SMYD3: variants seen among roughly 807,000 people sequenced by gnomAD.
SMYD3 encodes histone-lysine N-methyltransferase SMYD3.
A neutral mutation model predicts 57.7 loss-of-function variants in SMYD3; 36 were observed. The ratio of observed to expected loss-of-function variants is 0.62; its 90% confidence interval spans 0.48 to 0.82. The LOEUF is 0.82. Ranked by LOEUF, SMYD3 falls within the 40% of genes least tolerant of loss-of-function variation. SMYD3 has a pLI of 0.00. For synonymous variants in SMYD3, 211 were observed against 195.0 expected (o/e 1.08, Z -0.68); for missense variants, 515 against 538.8 (o/e 0.96, Z 0.44).
intron 4 of SMYD3, 97 bp from the exon 5 acceptor site, chr1:246,327,434 T>C: frequency 1.9e-6 from 2 of 1,042,774 alleles, no homozygotes; most frequent in Non-Finnish European, 1.4e-6. Flanking sequence ...AGATATTTCC[T>C]ACCTTACATT....
rs1209082708 is a variant in SMYD3, at chr1:246,247,473, A to C, written c.531+79728T>G. ...TCTCTCTCTCTCTCTCTCTATATAT[A>C]TATATATATATATTTTTTAACATGG... On this transcript the variant is annotated intron_variant, in intron 5 of 11. Transcript: ENST00000490107. Among the ~76,000 whole-genome samples the C allele has an allele frequency of 2.0e-3, 294 of 143,958 alleles. 4 individuals are homozygous for C. Among genetic ancestry groups the C allele is most frequent in the African/African-American group, 5.7e-3 (218 of 38,360 alleles). The allele number at this position is 143,958 out of a possible 152,430, so 94.4% of individuals were successfully genotyped here. A position where few individuals can be genotyped will look rare whatever the true frequency, so the allele number is the denominator to read the frequency against.
Position 245,814,423 on chromosome 1 carries a change from C to CA in SMYD3, c.1076+44072dup, listed in dbSNP as rs1238702524. ...TTTCCTGGTCTTCTTCAACTGGGGG[C>CA]AAAAAAAAAATAAAAACGAAAAAAT... On this transcript the variant is annotated intron_variant, in intron 10 of 11. Transcript: ENST00000490107. 4.8e-3 allele frequency: 4,121 copies of CA among 862,296 alleles called. 14 individuals are homozygous for CA. Among genetic ancestry groups the CA allele is most frequent in the African/African-American group, 0.017 (818 of 48,476 alleles). The allele number at this position is 862,296 out of a possible 1,614,324, so 53.4% of individuals were successfully genotyped here.
intron 8 of SMYD3, among the ~76,000 whole-genome samples, chr1:245,893,318 T>G (rs4375225): frequency 0.11 from 17,432 of 152,132 alleles, 1,186 homozygotes; most frequent in South Asian, 0.29. Context: ...TCTTATAAAG[T>G]TAAACATATA....
intron 5 of SMYD3, among the ~76,000 whole-genome samples, chr1:246,218,144 C>T (rs1558323439): frequency 6.6e-6 from 1 of 151,822 alleles, no homozygotes; most frequent in South Asian, 2.1e-4. Context: ...GACAAGAATA[C>T]GTACACTCTG....
At chr1:245,862,965 C>G (rs1202712650) in intron 9 of SMYD3, among the ~76,000 whole-genome samples, 2 of 152,126 alleles carry the variant, frequency 1.3e-5, no homozygotes, top group Non-Finnish European at 2.9e-5. Context: ...AACTGGAAAC[C>G]TCCCTCTACC....
intron 1 of SMYD3, among the ~76,000 whole-genome samples, chr1:246,445,857 A>G (rs2067544907): frequency 6.6e-6 from 1 of 151,580 alleles, no homozygotes; most frequent in Admixed American, 6.6e-5. Context: ...CCAAAAAGGA[A>G]AAAAAAAACA....
intron 1 of SMYD3, among the ~76,000 whole-genome samples, chr1:246,490,911 A>C (rs1307698038): frequency 6.6e-6 from 1 of 152,168 alleles, no homozygotes; most frequent in African/African-American, 2.4e-5. Context: ...AATCAATGAG[A>C]ACTAAGTAGA....
intron 5 of SMYD3, among the ~76,000 whole-genome samples, chr1:246,166,487 G>T (rs983632570): frequency 2.6e-5 from 4 of 152,274 alleles, no homozygotes; most frequent in Middle Eastern, 3.4e-3. Flanking sequence ...TCACCAAAAT[G>T]TAAGCCCTTT....
intron 1 of SMYD3, among the ~76,000 whole-genome samples, chr1:246,431,738 CAAAT>C (rs1290182797): frequency 3.3e-5 from 5 of 152,162 alleles, no homozygotes; most frequent in Admixed American, 2.0e-4. Flanking sequence ...TCTCAAAAAA[CAAAT>C]AAATAAATAA....
chr1:246,296,122 T>C (rs1306239305), intron 5 of SMYD3, among the ~76,000 whole-genome samples: 1 of 152,182 alleles, frequency 6.6e-6, no homozygotes, highest in Non-Finnish European at 1.5e-5. Context: ...GAAGTGACTG[T>C]CAGGAATTAG....
At chr1:245,762,932 C>T (rs556925836) in intron 11 of SMYD3, among the ~76,000 whole-genome samples, 2 of 152,108 alleles carry the variant, frequency 1.3e-5, no homozygotes, top group East Asian at 3.9e-4. Flanking sequence ...GATACCCGCA[C>T]GCCAGGTCTC....
chr1:245,931,174 A>G (rs540390632), intron 5 of SMYD3, among the ~76,000 whole-genome samples: 8 of 152,324 alleles, frequency 5.3e-5, no homozygotes, highest in Admixed American at 1.3e-4. Context: ...CAAGGCATGA[A>G]GGAGTCTGAC....
intron 1 of SMYD3, among the ~76,000 whole-genome samples, chr1:246,433,929 A>G (rs2103012126): frequency 6.6e-6 from 1 of 152,342 alleles, no homozygotes. Context: ...AACCAAACAC[A>G]TAGACCAATG....
chr1:246,439,792 A>T (rs1248117576), intron 1 of SMYD3, among the ~76,000 whole-genome samples: 1 of 152,164 alleles, frequency 6.6e-6, no homozygotes, highest in African/African-American at 2.4e-5. Context: ...TACTAAAAAA[A>T]CAGAAAAATT....
intron 10 of SMYD3, among the ~76,000 whole-genome samples, chr1:245,802,371 C>G (rs555911630): frequency 2.0e-4 from 31 of 152,290 alleles, no homozygotes; most frequent in African/African-American, 5.3e-4. Flanking sequence ...TGACCTCCCC[C>G]TCTCCCCAAG....
At chr1:245,765,198 T>C (rs557354816) in intron 10 of SMYD3, among the ~76,000 whole-genome samples, 92 of 146,330 alleles carry the variant, frequency 6.3e-4, no homozygotes, top group Middle Eastern at 3.5e-3. Context: ...CCACCCTGGG[T>C]AACAAGGCAA....
chr1:246,278,278 G>T (rs1215022699), intron 5 of SMYD3, among the ~76,000 whole-genome samples: 16 of 151,308 alleles, frequency 1.1e-4, no homozygotes, highest in Middle Eastern at 3.4e-3. Flanking sequence ...ACTTTAAGTT[G>T]GCCCCTCCCC....
At chr1:246,456,203 A>G (rs1281288635) in intron 1 of SMYD3, among the ~76,000 whole-genome samples, 1 of 152,028 alleles carries the variant, frequency 6.6e-6, no homozygotes, top group Non-Finnish European at 1.5e-5. Flanking sequence ...GCTATCACCT[A>G]TCTCTACCTT....
Position 246,463,444 on chromosome 1 carries a change from T to C in SMYD3, c.164+43610A>G, listed in dbSNP as rs114855444. 4.0e-3 allele frequency among the ~76,000 whole-genome samples: 615 copies of C among 151,896 alleles called. 2 individuals are homozygous for C. Among genetic ancestry groups the C allele is most frequent in the African/African-American group, 0.014 (581 of 41,466 alleles). On this transcript the variant is annotated intron_variant, in intron 1 of 11. Coordinates refer to ENST00000490107, the MANE Select transcript of SMYD3 (RefSeq NM_001167740.2). ...AGAGAAGCAAATTTAAGAATGAAGA[T>C]TGAGAATACTGTTTTAAACATGTGG... is the stretch of plus-strand genomic sequence containing the variant.
Sources: gnomAD v4.1 joint callset for allele counts (sites outside exome capture counted in the v4.1 genomes callset) on GRCh38, gnomAD v4.1.1 for gene constraint, MANE v1.5 for transcripts, NCBI Gene and HGNC (gene_info 2026-07-23, HGNC 2026-07-21) for gene names.